PRKAG1: variants seen among roughly 807,000 people sequenced by gnomAD.
PRKAG1 encodes protein kinase AMP-activated non-catalytic subunit gamma 1.
Under a neutral mutation model 48.2 loss-of-function variants are expected in PRKAG1, and 27 were observed. The observed-to-expected ratio is 0.56, with a 90% CI of 0.41 to 0.77. The LOEUF is 0.77. Among genes scored for constraint, PRKAG1 ranks in the 30% least tolerant of loss-of-function variants. The probability of loss-of-function intolerance (pLI) is 0.00; values close to 1 mark genes in which losing one functional copy is unlikely to be tolerated. For synonymous variants in PRKAG1, 130 were observed against 147.7 expected (o/e 0.88, Z 0.87); for missense variants, 287 against 398.3 (o/e 0.72, Z 2.38).
rs564915502 is a variant in PRKAG1 at position 49,011,767 on chromosome 12, G to C, written c.58+1295C>G. Among the ~76,000 whole-genome samples, 12 of 151,644 alleles carry C rather than the reference G, an allele frequency of 7.9e-5. No individual in the cohort carries two copies. The East Asian group carries it at 2.3e-3, about 30-fold the overall frequency. On this transcript the variant is annotated intron_variant, in intron 2 of 11. Coordinates refer to ENST00000548065, the MANE Select transcript of PRKAG1 (RefSeq NM_002733.5). Reference sequence around the variant, plus strand: ...AGTAGAGATGGGGTTCCACCATGTTGATCAGACTGGTCTGTAACTTGTGAC... The same window carrying C: ...AGTAGAGATGGGGTTCCACCATGTTCATCAGACTGGTCTGTAACTTGTGAC...
Position 49,013,157 on chromosome 12 carries a change from T to C in PRKAG1, c.10-47A>G, listed in dbSNP as rs1941827135. On this transcript the variant is annotated intron_variant, in intron 1 of 11. Transcript: ENST00000548065. The stretch of plus-strand genomic sequence containing the variant: ...TTCAGCTTAACCTGGTTCCATCCAT[T>C]TTAGCCTAGCAACATTAGGGGAAGG... 2.6e-6 allele frequency: 4 copies of C among 1,546,060 alleles called. No homozygotes were observed. The African/African-American group carries it at 4.1e-5, about 16-fold the overall frequency.
At position 49,007,696 on chromosome 12, in the gene PRKAG1, A is replaced by AT. The variant is rs569447907; in HGVS notation, c.59-1845dup. 3.8e-3 allele frequency among the ~76,000 whole-genome samples: 556 copies of AT among 146,894 alleles called. 1 individual carries two copies. Among genetic ancestry groups the AT allele is most frequent in the African/African-American group, 0.011 (448 of 39,978 alleles). The stretch of plus-strand genomic sequence containing the variant: ...TAACATGCTTGTATTGCTAGTTTCC[A>AT]TTTTTTTTTTCATTTTGGGGCATTA... On this transcript the variant is annotated intron_variant, in intron 2 of 11. Coordinates refer to ENST00000548065, the MANE Select transcript of PRKAG1 (RefSeq NM_002733.5).
chr12:49,012,712 G>A, intron 2 of PRKAG1: 1 of 236,604 alleles, frequency 4.2e-6, no homozygotes, highest in South Asian at 5.5e-5. Context: ...TGGCTTTAGT[G>A]AGCTTGCTGG....
At chr12:49,004,015 T>G in intron 8 of PRKAG1, 93 bp from the exon 9 acceptor site, 1 of 1,484,662 alleles carries the variant, frequency 6.7e-7, no homozygotes, top group Admixed American at 2.3e-5. Context: ...AAGGGCTGGG[T>G]GCGCCGGCTT....
At chr12:49,014,690 C>T (rs1437408063) in intron 1 of PRKAG1, among the ~76,000 whole-genome samples, 1 of 152,244 alleles carries the variant, frequency 6.6e-6, no homozygotes, top group Non-Finnish European at 1.5e-5. Flanking sequence ...ACTCAGCACC[C>T]TTGTGAGTCA....
rs1311643894 is a variant in PRKAG1 at position 49,003,015 on chromosome 12, G to C, written c.889-9C>G. 1.2e-6 allele frequency: 2 copies of C among 1,613,752 alleles called. No homozygotes were observed. Among genetic ancestry groups the C allele is most frequent in the South Asian group, 1.1e-5 (1 of 90,968 alleles). ...ACTACAAGTCGGTGAACCTGGCACA[G>C]AGCAACAAGGGAGAAAGGGAATGTT... On this transcript the variant is annotated splice_polypyrimidine_tract_variant and intron_variant, in intron 11 of 11. Transcript: ENST00000548065.
chr12:49,003,464 A>T, intron 10 of PRKAG1, 94 bp downstream of exon 10: 3 of 1,552,252 alleles, frequency 1.9e-6, no homozygotes, highest in Non-Finnish European at 2.7e-6. Context: ...TAAGACCCTT[A>T]GATCACAGAA....
Position 49,012,938 on chromosome 12 carries a change from G to C in PRKAG1, c.58+124C>G. The C allele has an allele frequency of 9.2e-6, 9 of 973,330 alleles. No individual in the cohort carries two copies. In the South Asian group the frequency reaches 1.3e-4, roughly 14 times the overall value. 60.3% of individuals were successfully genotyped at this position (973,330 alleles called of 1,614,324 possible). ...CAAACTACTGTCACTGATTTTTGTG[G>C]TTTGGCACATTATCTGGCCCTGCTT... On this transcript the variant is annotated intron_variant, in intron 2 of 11. Transcript: ENST00000548065.
chr12:49,017,271 G>C (rs1463281557), intron 1 of PRKAG1: 4 of 452,596 alleles, frequency 8.8e-6, no homozygotes, highest in East Asian at 7.0e-5. Flanking sequence ...CATGATCTCA[G>C]CTCACTCCAG....
Position 49,018,762 on chromosome 12 carries a change from T to C in PRKAG1, c.-22A>G, listed in dbSNP as rs1592092240. ...CCATTGCAAGAGGCGCCCGGCTTGGTTTCCTCGCTTTAGGAAACTCTCTTG... is the reference window on the plus strand; with the variant it reads ...CCATTGCAAGAGGCGCCCGGCTTGGCTTCCTCGCTTTAGGAAACTCTCTTG... On this transcript the variant is annotated 5_prime_UTR_variant, in exon 1 of 12. Transcript: ENST00000548065. 3.1e-6 allele frequency: 5 copies of C among 1,612,336 alleles called. No homozygotes were observed. In the East Asian group the frequency reaches 6.7e-5, roughly 22 times the overall value.
rs376744501 is a variant in PRKAG1, at chr12:49,004,932, G to A, written c.410+32C>T. 22 of 1,606,534 alleles carry A rather than the reference G, an allele frequency of 1.4e-5. 1 individual carries two copies. The Middle Eastern group carries it at 5.0e-4, about 36-fold the overall frequency. On this transcript the variant is annotated intron_variant, in intron 7 of 11. Coordinates refer to ENST00000548065, the MANE Select transcript of PRKAG1 (RefSeq NM_002733.5). ...CTAGGCTGATGACAAAATCTCTTCC[G>A]CTTTTTGGACAGATGGGTAACTGGA... is the stretch of plus-strand genomic sequence containing the variant.
chr12:49,002,717 G>C lies in PRKAG1; in HGVS notation c.*182C>G. 1 of 712,658 alleles carries C rather than the reference G, an allele frequency of 1.4e-6. No individual in the cohort carries two copies. Among genetic ancestry groups the C allele is most frequent in the Non-Finnish European group, 2.5e-6 (1 of 398,288 alleles). The allele number at this position is 712,658 out of a possible 1,614,324, so 44.1% of individuals were successfully genotyped here. A position where few individuals can be genotyped will look rare whatever the true frequency, so the allele number is the denominator to read the frequency against. ...TTCAAGTGTATGTGTGAGGGTAAGG[G>C]TAGCTATAAATCCATTCTCTTTCCT... On this transcript the variant is annotated 3_prime_UTR_variant, in exon 12 of 12. Transcript: ENST00000548065.
chr12:49,012,976 G>A, intron 2 of PRKAG1, 86 bp downstream of exon 2: 1 of 1,359,412 alleles, frequency 7.4e-7, no homozygotes. Flanking sequence ...ATTTTTCCAG[G>A]GGAGAGATTC....
intron 1 of PRKAG1, among the ~76,000 whole-genome samples, chr12:49,016,312 GAC>G (rs1229788332): frequency 6.6e-6 from 1 of 152,166 alleles, no homozygotes; most frequent in Non-Finnish European, 1.5e-5. Flanking sequence ...ATATTACAGA[GAC>G]ACAGTCTACA....
intron 2 of PRKAG1, among the ~76,000 whole-genome samples, chr12:49,010,562 T>G (rs1333254851): frequency 2.0e-5 from 3 of 152,250 alleles, no homozygotes; most frequent in East Asian, 3.9e-4. Context: ...TCTGCCACAG[T>G]TGGGAGGCAG....
chr12:49,017,558 A>T, intron 1 of PRKAG1: 1 of 196,150 alleles, frequency 5.1e-6, no homozygotes, highest in South Asian at 7.1e-5. Context: ...AGCCTAATCC[A>T]GTACATAAAG....
At chr12:49,013,650 C>T (rs552318664) in intron 1 of PRKAG1, among the ~76,000 whole-genome samples, 1 of 152,262 alleles carries the variant, frequency 6.6e-6, no homozygotes, top group African/African-American at 2.4e-5. Context: ...GGTCAAGAGA[C>T]ATTAAGCAAC....
chr12:49,009,124 T>TA (rs1436247089), intron 2 of PRKAG1, among the ~76,000 whole-genome samples: 1 of 151,258 alleles, frequency 6.6e-6, no homozygotes, highest in East Asian at 1.9e-4. Flanking sequence ...CCTCTCCTTT[T>TA]TTTTTTTTTT....
Position 49,004,497 on chromosome 12 carries a change from G to A in PRKAG1, c.537+10C>T, listed in dbSNP as rs200210979. The A allele has an allele frequency of 1.9e-6, 3 of 1,613,492 alleles. No individual in the cohort carries two copies. Among genetic ancestry groups the A allele is most frequent in the Non-Finnish European group, 2.5e-6 (3 of 1,179,564 alleles). On this transcript the variant is annotated intron_variant, in intron 8 of 11. Transcript: ENST00000548065. The stretch of plus-strand genomic sequence containing the variant: ...AAAGAGAAAAAAGAACTGGGCTGAG[G>A]AGCACTTACAAACAATTTGAGGAAC...
Sources: gnomAD v4.1 joint callset for allele counts (sites outside exome capture counted in the v4.1 genomes callset) on GRCh38, gnomAD v4.1.1 for gene constraint, MANE v1.5 for transcripts, NCBI Gene and HGNC (gene_info 2026-07-23, HGNC 2026-07-21) for gene names.